RBM11: variants seen among roughly 807,000 people sequenced by gnomAD.
The protein encoded by RBM11 is splicing regulator RBM11.
Under a neutral mutation model 21.4 loss-of-function variants are expected in RBM11, and 18 were observed. The observed-to-expected ratio is 0.84, with a 90% confidence interval of 0.58 to 1.25. The LOEUF (loss-of-function observed/expected upper bound fraction) is 1.25, where lower values mean the gene tolerates loss of function less well. Among genes scored for constraint, RBM11 ranks in the 50% most tolerant of loss-of-function variants. RBM11 has a pLI of 0.00. For missense variants in RBM11, 294 were observed against 331.9 expected, an observed-to-expected ratio of 0.89 and a Z score of 0.89; for synonymous variants, 120 against 116.3, an observed-to-expected ratio of 1.03 and a Z score of -0.20.
chr21:14,226,788 C>T, intron 4 of RBM11, 92 bp from the exon 5 acceptor site: 3 of 1,495,020 alleles, frequency 2.0e-6, no homozygotes, highest in African/African-American at 1.4e-5. Flanking sequence ...GTTTAGTTTA[C>T]TCATGGCTAT....
intron 1 of RBM11, 128 bp from the exon 2 acceptor site, chr21:14,219,435 A>C: frequency 3.2e-6 from 2 of 622,696 alleles, no homozygotes; most frequent in Non-Finnish European, 5.1e-6. Context: ...TATTAGAAAG[A>C]TACATTATTA....
Position 14,227,168 on chromosome 21 carries a change from C to G in RBM11, c.721C>G (p.Leu241Val). ...WTHQQPSDSD[L>V]YQMNKRKRQK... ...TCACCAACAACCAAGTGACTCTGAC[C>G]TTTATCAGATGAATAAACGAAAGAG... Residue 241 changes from leucine (L) to valine (V), a missense_variant, in exon 5 of 5, where the codon CTT (leucine) becomes GTT (valine). This residue lies in a region of RBM11 where 113 missense variants were observed against 167.3 expected (regional missense o/e 0.68). Coordinates refer to ENST00000400577, the MANE Select transcript of RBM11 (RefSeq NM_144770.5). 6.2e-7 allele frequency: 1 copy of G among 1,613,966 alleles called. No individual in the cohort carries two copies. The highest frequency in any genetic ancestry group is 1.1e-5 in the South Asian group (1 of 91,082).
intron 1 of RBM11, among the ~76,000 whole-genome samples, chr21:14,217,597 A>C (rs1404645184): frequency 6.6e-6 from 1 of 152,118 alleles, no homozygotes; most frequent in East Asian, 1.9e-4. Context: ...TATTTGAAAA[A>C]TATTATTGAT....
At chr21:14,216,352 C>T (rs926934339) in intron 1 of RBM11, 70 bp downstream of exon 1, 58 of 1,310,250 alleles carry the variant, frequency 4.4e-5, no homozygotes, top group Non-Finnish European at 5.6e-5. Context: ...CGCACCTGGA[C>T]CACCCGGAGC....
intron 4 of RBM11, among the ~76,000 whole-genome samples, chr21:14,224,775 C>A (rs1400881959): frequency 6.6e-6 from 1 of 152,162 alleles, no homozygotes; most frequent in Admixed American, 6.5e-5. Context: ...CGACATACTG[C>A]AGTCCAAGTG....
chr21:14,227,467 T>C lies in RBM11; in HGVS notation c.*174T>C. Reference sequence around the variant, plus strand: ...TTTGCCTTGAACGACAAAAGCTTTCTAAAAATAGTATAATGTACCACTTTT... The same window carrying C: ...TTTGCCTTGAACGACAAAAGCTTTCCAAAAATAGTATAATGTACCACTTTT... On this transcript the variant is annotated 3_prime_UTR_variant, in exon 5 of 5. Transcript: ENST00000400577. 3.0e-6 allele frequency: 2 copies of C among 664,904 alleles called. No homozygotes were observed. The highest frequency in any genetic ancestry group is 4.8e-6 in the Non-Finnish European group (2 of 415,918). The allele number at this position is 664,904 out of a possible 1,614,324, so 41.2% of individuals were successfully genotyped here.
Position 14,219,694 on chromosome 21 carries a change from T to C in RBM11, c.228T>C (p.Tyr76=). ...AIALLNGIRL[Y]GRPINVQYRF... is the part of the protein sequence containing the mutation. The stretch of plus-strand genomic sequence containing the variant: ...CTTTGCTGAATGGAATTCGTTTATA[T>C]GGAAGACCAATTAACGTGCAGTATC... Residue 76 remains tyrosine, a synonymous_variant, in exon 2 of 5, where the codon TAT becomes TAC. Coordinates refer to ENST00000400577, the MANE Select transcript of RBM11 (RefSeq NM_144770.5). 1 of 1,605,052 alleles carries C rather than the reference T, an allele frequency of 6.2e-7. No homozygotes were observed.
In RBM11 at chr21:14,216,215, G is replaced by A. The variant is rs537974318; in HGVS notation, c.29G>A (p.Arg10Lys). The A allele has an allele frequency of 2.5e-6, 4 of 1,613,836 alleles. No individual in the cohort carries two copies. The South Asian group carries it at 4.4e-5, about 18-fold the overall frequency. MFPAQEEAD[R>K]TVFVGNLEAR... is the part of the protein sequence containing the mutation. Reference sequence around the variant, plus strand: ...TTCCCTGCTCAGGAGGAGGCCGACAGGACCGTGTTTGTTGGGAATTTAGAG... The same window carrying A: ...TTCCCTGCTCAGGAGGAGGCCGACAAGACCGTGTTTGTTGGGAATTTAGAG... The change falls in exon 1 of 5, where the codon AGG becomes AAG. Residue 10 changes from arginine (R) to lysine (K), a missense_variant. Physicochemically the swap from Arg to Lys is conservative, Grantham distance 26. Around this residue, in one of 2 missense-constraint regions of RBM11, gnomAD observed 181 missense variants for 164.6 expected, o/e 1.10. Transcript: ENST00000400577.
intron 2 of RBM11, among the ~76,000 whole-genome samples, chr21:14,220,063 G>T (rs1471196509): frequency 2.6e-5 from 4 of 152,100 alleles, no homozygotes; most frequent in African/African-American, 9.7e-5. Flanking sequence ...TATATAGCAA[G>T]GGTATTTACT....
chr21:14,216,245 G>C lies in RBM11; in HGVS notation c.59G>C (p.Arg20Pro). 6.2e-7 allele frequency: 1 copy of C among 1,613,826 alleles called. No homozygotes were observed. Among genetic ancestry groups the C allele is most frequent in the South Asian group, 1.1e-5 (1 of 91,018 alleles). ...GTGTTTGTTGGGAATTTAGAGGCCC[G>C]AGTTCGGGAAGAGATTCTGTACGAG... is the stretch of plus-strand genomic sequence containing the variant. ...RTVFVGNLEA[R>P]VREEILYELF... is the part of the protein sequence containing the mutation. Residue 20 changes from arginine to proline, a missense_variant, in exon 1 of 5, where the codon CGA (arginine) becomes CCA (proline). Arg to Pro is a moderately radical substitution (Grantham distance 103). Around this residue, in one of 2 missense-constraint regions of RBM11, gnomAD observed 181 missense variants for 164.6 expected, o/e 1.10. Coordinates refer to ENST00000400577, the MANE Select transcript of RBM11 (RefSeq NM_144770.5).
At chr21:14,219,010 A>G (rs1409015619) in intron 1 of RBM11, among the ~76,000 whole-genome samples, 2 of 152,208 alleles carry the variant, frequency 1.3e-5, no homozygotes, top group Non-Finnish European at 2.9e-5. Flanking sequence ...AATATACTTA[A>G]AAGTCTTGAA....
chr21:14,222,225 G>A (rs1042025622), intron 3 of RBM11, among the ~76,000 whole-genome samples: 3 of 151,794 alleles, frequency 2.0e-5, no homozygotes, highest in African/African-American at 7.3e-5. Flanking sequence ...TATAGATAGA[G>A]ATCTATATCT....
rs538801968 is a variant in RBM11 at position 14,223,641 on chromosome 21, C to A, written c.333-797C>A. ...CACATGGTGTTCTTCCTGTGGGTAA[C>A]CATACTGTAGTTTGAATGTGTCCCT... On this transcript the variant is annotated intron_variant, in intron 3 of 4. Coordinates refer to ENST00000400577, the MANE Select transcript of RBM11 (RefSeq NM_144770.5). Among the ~76,000 whole-genome samples the A allele has an allele frequency of 6.7e-4, 102 of 152,250 alleles. 1 individual carries two copies. Among genetic ancestry groups the A allele is most frequent in the Admixed American group, 2.9e-3 (44 of 15,286 alleles).
At chr21:14,216,707 A>T (rs895316579) in intron 1 of RBM11, among the ~76,000 whole-genome samples, 1 of 152,116 alleles carries the variant, frequency 6.6e-6, no homozygotes, top group Non-Finnish European at 1.5e-5. Flanking sequence ...AAGCCCTTTT[A>T]TGCGGACAGT....
At position 14,219,496 on chromosome 21, in the gene RBM11, ATTTAC is replaced by A. The variant is rs1600956746; in HGVS notation, c.97-64_97-60del. ...ACACATTTCTTTAGTCTAAAGTTGA[ATTTAC>A]TTATTTGAGTATAAAAAAAATCTTT... On this transcript the variant is annotated intron_variant, in intron 1 of 4. Transcript: ENST00000400577. 7.6e-5 allele frequency: 93 copies of A among 1,225,300 alleles called. No individual in the cohort carries two copies. In the East Asian group the frequency reaches 2.4e-3, roughly 32 times the overall value. 75.9% of individuals were successfully genotyped at this position (1,225,300 alleles called of 1,614,324 possible). A position where few individuals can be genotyped will look rare whatever the true frequency, so the allele number is the denominator to read the frequency against.
At position 14,216,444 on chromosome 21, in the gene RBM11, G is replaced by C. The variant is rs7277407; in HGVS notation, c.96+162G>C. Among the ~76,000 whole-genome samples, 684 of 152,222 alleles carry C rather than the reference G, an allele frequency of 4.5e-3. 4 individuals carry two copies. The highest frequency in any genetic ancestry group is 0.015 in the African/African-American group (644 of 41,564). On this transcript the variant is annotated intron_variant, in intron 1 of 4. Transcript: ENST00000400577. ...CACCTGTCTCCAGGTGAGCGGCTGG[G>C]GAGTGAAATGAGGGCGCGTTCCCCA... is the stretch of plus-strand genomic sequence containing the variant.
At chr21:14,225,695 A>T (rs950803440) in intron 4 of RBM11, among the ~76,000 whole-genome samples, 2 of 152,142 alleles carry the variant, frequency 1.3e-5, no homozygotes, top group African/African-American at 4.8e-5. Flanking sequence ...ATGGTAAAAC[A>T]TTAGTAAACA....
At chr21:14,224,031 C>T (rs1171787236) in intron 3 of RBM11, among the ~76,000 whole-genome samples, 1 of 151,998 alleles carries the variant, frequency 6.6e-6, no homozygotes, top group Non-Finnish European at 1.5e-5. Context: ...AAACAGAGTA[C>T]CTGTTTGTTA....
At chr21:14,219,772 C>T in intron 2 of RBM11, 47 bp downstream of exon 2, 4 of 1,474,478 alleles carry the variant, frequency 2.7e-6, no homozygotes, top group South Asian at 1.4e-5. Flanking sequence ...GTGGTTGGTA[C>T]TATTCTCAGA....
Sources: allele counts gnomAD v4.1 joint callset (sites outside exome capture counted in the v4.1 genomes callset), GRCh38; gene constraint gnomAD v4.1.1; regional missense constraint gnomAD v4.1.1; transcripts MANE v1.5; gene names NCBI Gene and HGNC (gene_info 2026-07-23, HGNC 2026-07-21).